Variants in PRUNE2 observed in about 807,000 individuals in gnomAD.
PRUNE2 encodes protein prune homolog 2.
A neutral mutation model predicts 252.0 loss-of-function variants in PRUNE2; 164 were observed. The ratio of observed to expected loss-of-function variants is 0.65; its 90% CI spans 0.57 to 0.74. The LOEUF is 0.74. PRUNE2 is among the 30% of genes least tolerant of loss of function. The probability of loss-of-function intolerance (pLI) is 0.00; values close to 1 mark genes in which losing one functional copy is unlikely to be tolerated. For synonymous variants in PRUNE2, 1,292 were observed against 1,350.2 expected (o/e 0.96, Z 0.94); for missense variants, 3,495 against 3,711.0 (o/e 0.94, Z 1.51).
chr9:76,874,171 T>G (rs150381673), intron 1 of PRUNE2, among the ~76,000 whole-genome samples: 7 of 152,206 alleles, frequency 4.6e-5, no homozygotes, highest in Admixed American at 1.3e-4. Flanking sequence ...GAAGGAGAAC[T>G]GACTGTCTCC....
intron 9 of PRUNE2, among the ~76,000 whole-genome samples, chr9:76,693,457 T>TTTTTTTTC (rs1943894056): frequency 2.1e-5 from 2 of 94,786 alleles, no homozygotes; most frequent in Admixed American, 1.2e-4. Flanking sequence ...TTTTTTTTTT[T>TTTTTTTTC]TTTGGAGACG....
At chr9:76,905,809 AC>A (rs1052614463) in intron 1 of PRUNE2, 118 bp downstream of exon 1, 220 of 1,306,062 alleles carry the variant, frequency 1.7e-4, no homozygotes, top group Middle Eastern at 1.1e-3. Flanking sequence ...CAACCCGCAC[AC>A]CCTGATAACT....
At chr9:76,871,078 T>C (rs923779371) in intron 1 of PRUNE2, among the ~76,000 whole-genome samples, 1 of 152,194 alleles carries the variant, frequency 6.6e-6, no homozygotes, top group Non-Finnish European at 1.5e-5. Flanking sequence ...ATTTGGTCCA[T>C]ATAGACTGTA....
At position 76,708,584 on chromosome 9, in the gene PRUNE2, T is replaced by A; in HGVS notation, c.3690A>T (p.Ser1230=). 6.2e-7 allele frequency: 1 copy of A among 1,613,928 alleles called. No homozygotes were observed. Among genetic ancestry groups the A allele is most frequent in the Non-Finnish European group, 8.5e-7 (1 of 1,179,856 alleles). ...WDSVMRDKDM[S]SFMLPGSSHI... ...GTGAGGAGCCTGGTAACATGAATGA[T>A]GACATGTCTTTATCTCTCATGACAG... The change falls in exon 8 of 19, where the codon TCA becomes TCT. Residue 1230 remains serine (S), a synonymous_variant. Coordinates refer to ENST00000376718, the MANE Select transcript of PRUNE2 (RefSeq NM_015225.3).
intron 1 of PRUNE2, among the ~76,000 whole-genome samples, chr9:76,896,942 C>T (rs1206769632): frequency 6.6e-6 from 1 of 152,210 alleles, no homozygotes; most frequent in African/African-American, 2.4e-5. Context: ...TTTCTAATTA[C>T]TCTAAAAGCT....
chr9:76,737,793 TCTC>T (rs1307742147), intron 6 of PRUNE2: 4 of 152,338 alleles, frequency 2.6e-5, no homozygotes, highest in Non-Finnish European at 4.4e-5. Flanking sequence ...ACTGGTAACT[TCTC>T]CTAAAACCAG....
At chr9:76,755,920 C>G (rs1337995122) in intron 6 of PRUNE2, among the ~76,000 whole-genome samples, 1 of 152,198 alleles carries the variant, frequency 6.6e-6, no homozygotes. Flanking sequence ...CCAGGCTGAT[C>G]TTGAACTCCT....
chr9:76,774,269 G>A (rs1039646956), intron 6 of PRUNE2, among the ~76,000 whole-genome samples: 3 of 151,654 alleles, frequency 2.0e-5, no homozygotes, highest in African/African-American at 7.3e-5. Flanking sequence ...CTGAGTAAGT[G>A]GGACTACAGG....
rs545246430 is a variant in PRUNE2 at position 76,855,443 on chromosome 9, A to G, written c.37-1235T>C. On this transcript the variant is annotated intron_variant, in intron 1 of 18. Transcript: ENST00000376718. ...CTCATGACTATTTTAATTAAAAAAAAAAGTGTTTATATGCAGAACAAAGAT... is the reference window on the plus strand; with the variant it reads ...CTCATGACTATTTTAATTAAAAAAAGAAGTGTTTATATGCAGAACAAAGAT... Among the ~76,000 whole-genome samples the G allele has an allele frequency of 2.0e-5, 3 of 152,332 alleles. No homozygotes were observed. In the South Asian group the frequency reaches 6.2e-4, roughly 32 times the overall value.
intron 5 of PRUNE2, among the ~76,000 whole-genome samples, 200 bp downstream of exon 5, chr9:76,826,380 T>G (rs1200654368): frequency 6.6e-6 from 1 of 152,132 alleles, no homozygotes; most frequent in Non-Finnish European, 1.5e-5. Context: ...GAGACAGGCA[T>G]GAGAATCACC....
chr9:76,869,861 G>A (rs1263402128), intron 1 of PRUNE2, among the ~76,000 whole-genome samples: 2 of 152,178 alleles, frequency 1.3e-5, no homozygotes, highest in Admixed American at 6.5e-5. Context: ...TCTCTTCTAT[G>A]AGGAGAACTG....
intron 16 of PRUNE2, chr9:76,625,135 GAC>G (rs1834126927): frequency 4.3e-6 from 4 of 937,552 alleles, no homozygotes; most frequent in Non-Finnish European, 1.5e-6. Flanking sequence ...TGATTTAAAT[GAC>G]AGTCAAATCA....
intron 6 of PRUNE2, among the ~76,000 whole-genome samples, chr9:76,767,872 C>T (rs943674215): frequency 5.3e-5 from 8 of 152,232 alleles, no homozygotes; most frequent in African/African-American, 1.7e-4. Context: ...CCCACTATGG[C>T]TATTCTCATC....
rs566850302 is a variant in PRUNE2, at chr9:76,682,522, C to T, written c.8276+20815G>A. On this transcript the variant is annotated intron_variant, in intron 9 of 18. Transcript: ENST00000376718. ...GATTACAGGTATGCGCCACCCCGCC[C>T]GACTAATTTTTTGTATTTTTAGTAA... is the stretch of plus-strand genomic sequence containing the variant. 1.1e-4 allele frequency among the ~76,000 whole-genome samples: 17 copies of T among 151,894 alleles called. No homozygotes were observed. The South Asian group carries it at 2.3e-3, about 20-fold the overall frequency.
rs1348770504 is a variant in PRUNE2, at chr9:76,751,265, CACACACAG to C, written c.757-37552_757-37545del. 1.7e-3 allele frequency among the ~76,000 whole-genome samples: 250 copies of C among 151,250 alleles called. 1 individual carries two copies. The highest frequency in any genetic ancestry group is 5.6e-3 in the African/African-American group (231 of 41,014). On this transcript the variant is annotated intron_variant, in intron 6 of 18. Transcript: ENST00000376718. Reference sequence around the variant, plus strand: ...TAGGGGACACAGACACACACACACACACACACAGACACACACACACACACAGAAATCTT... The same window carrying C: ...TAGGGGACACAGACACACACACACACACACACACACACACACAGAAATCTT...
At chr9:76,797,282 A>C (rs2056181458) in intron 6 of PRUNE2, among the ~76,000 whole-genome samples, 1 of 152,140 alleles carries the variant, frequency 6.6e-6, no homozygotes, top group African/African-American at 2.4e-5. Flanking sequence ...ATAAATATAT[A>C]AAAATGCACA....
intron 6 of PRUNE2, among the ~76,000 whole-genome samples, chr9:76,749,370 A>G (rs1413058625): frequency 6.6e-6 from 1 of 152,224 alleles, no homozygotes; most frequent in African/African-American, 2.4e-5. Flanking sequence ...AAGTTTTCAG[A>G]CAAAGCCCTG....
chr9:76,875,663 C>T (rs757261052), intron 1 of PRUNE2, among the ~76,000 whole-genome samples: 7 of 152,198 alleles, frequency 4.6e-5, no homozygotes, highest in Non-Finnish European at 1.0e-4. Context: ...CATGCCCAGC[C>T]GGCTCTGTGT....
chr9:76,835,506 G>A (rs2058909432), intron 4 of PRUNE2, among the ~76,000 whole-genome samples: 1 of 152,068 alleles, frequency 6.6e-6, no homozygotes, highest in African/African-American at 2.4e-5. Context: ...ACTTTAAAAT[G>A]TCTGAATTTA....
Sources: allele counts gnomAD v4.1 joint callset (sites outside exome capture counted in the v4.1 genomes callset), GRCh38; gene constraint gnomAD v4.1.1; transcripts MANE v1.5; gene names NCBI Gene and HGNC (gene_info 2026-07-23, HGNC 2026-07-21).